The following CPLANE1 variants were observed in gnomAD, a reference collection of about 807,000 sequenced individuals.
CPLANE1 encodes the protein ciliogenesis and planar polarity effector complex subunit 1.
CPLANE1 carries 263 observed loss-of-function variants against 362.5 expected under a neutral mutation model. The observed-to-expected ratio is 0.73, with a 90% CI of 0.66 to 0.80. The LOEUF (loss-of-function observed/expected upper bound fraction) is 0.80, where lower values mean the gene tolerates loss of function less well. CPLANE1 is among the 30% of genes least tolerant of loss of function. CPLANE1 has a pLI of 0.00. For missense variants in CPLANE1, 3,461 were observed against 3,793.4 expected, an observed-to-expected ratio of 0.91 and a Z score of 2.30; for synonymous variants, 1,212 against 1,302.6, an observed-to-expected ratio of 0.93 and a Z score of 1.50.
rs150094586 is a variant in CPLANE1 at position 37,169,087 on chromosome 5, T to C, written c.6937A>G (p.Asn2313Asp). ...WAETVITEIP[N>D]HVNLDQYVGQ... The stretch of plus-strand genomic sequence containing the variant: ...ACATATTGATCCAAGTTCACATGAT[T>C]AGGAATTTCTGTAATTACAGTTTCT... Residue 2313 changes from asparagine to aspartate, a missense_variant, in exon 34 of 53, where the codon AAT becomes GAT. By Grantham distance (23) the Asn-to-Asp change is conservative. Coordinates refer to ENST00000651892, the MANE Select transcript of CPLANE1 (RefSeq NM_001384732.1). The C allele has an allele frequency of 4.3e-6, 7 of 1,614,084 alleles. No homozygotes were observed. In the African/African-American group the frequency reaches 9.3e-5, roughly 22 times the overall value.
chr5:37,226,570 T>C lies in CPLANE1; in HGVS notation c.2025A>G (p.Gln675=). The change falls in exon 12 of 53, where the codon CAA becomes CAG. Residue 675 remains glutamine, a synonymous_variant. Coordinates refer to ENST00000651892, the MANE Select transcript of CPLANE1 (RefSeq NM_001384732.1). The stretch of plus-strand genomic sequence containing the variant: ...TCTCTGAGAATAACTGACCCTTTTG[T>C]TGCTGAGTCAGCAAAAGTTTTACAG... The part of the protein sequence containing the change: ...SNTVKLLLTQ[Q]QKGQLFSEKL... 1 of 1,550,008 alleles carries C rather than the reference T, an allele frequency of 6.5e-7. No homozygotes were observed. Among genetic ancestry groups the C allele is most frequent in the Non-Finnish European group, 8.7e-7 (1 of 1,146,566 alleles).
At chr5:37,222,792 G>C (rs150450601) in intron 14 of CPLANE1, among the ~76,000 whole-genome samples, 1 of 152,110 alleles carries the variant, frequency 6.6e-6, no homozygotes, top group Non-Finnish European at 1.5e-5. Context: ...TTAAATAACT[G>C]TCAAATGTAA....
chr5:37,227,423 A>C, intron 10 of CPLANE1, 31 bp from the exon 11 acceptor site: 1 of 1,513,388 alleles, frequency 6.6e-7, no homozygotes, highest in Non-Finnish European at 8.8e-7. Flanking sequence ...GATTTCCAAG[A>C]GCAAAATGTT....
intron 16 of CPLANE1, chr5:37,212,489 G>T: frequency 1.2e-4 from 61 of 515,680 alleles, no homozygotes; most frequent in East Asian, 1.5e-4. Flanking sequence ...ATAAAAATGT[G>T]TAATCCAAAA....
chr5:37,144,190 A>ACC (rs1234274713), intron 43 of CPLANE1, among the ~76,000 whole-genome samples: 42 of 150,814 alleles, frequency 2.8e-4, no homozygotes, highest in African/African-American at 9.9e-4. Flanking sequence ...TGGGCGGATC[A>ACC]TGAGATCAGG....
intron 43 of CPLANE1, among the ~76,000 whole-genome samples, chr5:37,147,670 A>C (rs965301310): frequency 1.3e-5 from 2 of 152,206 alleles, no homozygotes; most frequent in African/African-American, 4.8e-5. Flanking sequence ...AACTGACAAG[A>C]CTGAATGAGA....
intron 12 of CPLANE1, among the ~76,000 whole-genome samples, chr5:37,225,501 G>A (rs574567660): frequency 1.3e-5 from 2 of 152,228 alleles, no homozygotes; most frequent in South Asian, 2.1e-4. Flanking sequence ...CAAAGTGCTC[G>A]ATCACAGGCG....
intron 46 of CPLANE1, among the ~76,000 whole-genome samples, chr5:37,136,925 C>T (rs1767900358): frequency 6.6e-6 from 1 of 152,212 alleles, no homozygotes; most frequent in Non-Finnish European, 1.5e-5. Context: ...CCTCCTAGGC[C>T]TCTGGGCCTG....
At chr5:37,085,810 A>G in the CPLANE1 span, 9 of 1,427,398 alleles carry the variant, frequency 6.3e-6, no homozygotes, top group Non-Finnish European at 8.9e-6. Context: ...CTATTGCTGA[A>G]GAGAGAGACA....
At chr5:37,077,124 C>T in the CPLANE1 span, among the ~76,000 whole-genome samples, 2 of 151,970 alleles carry the variant, frequency 1.3e-5, no homozygotes, top group African/African-American at 4.8e-5. Context: ...TGCTCTAAGG[C>T]GAATCAGATG....
At chr5:37,140,086 T>A in intron 44 of CPLANE1, 1 of 912,738 alleles carries the variant, frequency 1.1e-6, no homozygotes, top group Non-Finnish European at 1.3e-6. Flanking sequence ...AATTTTTAAG[T>A]CTTGTCCAGT....
intron 32 of CPLANE1, among the ~76,000 whole-genome samples, chr5:37,172,643 G>A (rs1780109235): frequency 1.3e-5 from 2 of 152,196 alleles, no homozygotes; most frequent in Non-Finnish European, 2.9e-5. Flanking sequence ...TCATGGGACA[G>A]GGGGACATGC....
Position 37,227,089 on chromosome 5 carries a change from A to G in CPLANE1, c.1522-16T>C, listed in dbSNP as rs2150444531. On this transcript the variant is annotated splice_polypyrimidine_tract_variant and intron_variant, in intron 11 of 52. Coordinates refer to ENST00000651892, the MANE Select transcript of CPLANE1 (RefSeq NM_001384732.1). Reference sequence around the variant, plus strand: ...CTTCAAAATCCTAAAACATGAGGGGAAAAAAATGATACTTAATACCATTTA... The same window carrying G: ...CTTCAAAATCCTAAAACATGAGGGGGAAAAAATGATACTTAATACCATTTA... The G allele has an allele frequency of 2.6e-6, 4 of 1,526,172 alleles. No individual in the cohort carries two copies. The highest frequency in any genetic ancestry group is 3.5e-6 in the Non-Finnish European group (4 of 1,136,170). 94.5% of individuals were successfully genotyped at this position (1,526,172 alleles called of 1,614,324 possible).
chr5:37,170,225 C>T lies in CPLANE1; in HGVS notation c.6278G>A (p.Gly2093Glu). The T allele has an allele frequency of 1.2e-6, 2 of 1,614,054 alleles. No individual in the cohort carries two copies. The highest frequency in any genetic ancestry group is 8.5e-7 in the Non-Finnish European group (1 of 1,180,018). The change falls in exon 33 of 53, where the codon GGG becomes GAG. Residue 2093 changes from glycine (G) to glutamate (E), a missense_variant. Gly to Glu is a moderately conservative substitution (Grantham distance 98, BLOSUM62 -2). Around this residue, in one of 2 missense-constraint regions of CPLANE1, gnomAD observed 3,380 missense variants for 3,666.1 expected, o/e 0.92. Coordinates refer to ENST00000651892, the MANE Select transcript of CPLANE1 (RefSeq NM_001384732.1). ...LVQQSQSVHL[G>E]ESQESNLRGC... ...TCTTAGGTTTGATTCTTGGCTTTCC[C>T]CTAAATGCACAGACTGAGACTGCTG...
At chr5:37,083,532 A>G in the CPLANE1 span, among the ~76,000 whole-genome samples, 1 of 152,252 alleles carries the variant, frequency 6.6e-6, no homozygotes, top group South Asian at 2.1e-4. Context: ...CAAAAAAATG[A>G]TACAAGAAGT....
chr5:37,128,191 G>C (rs992115032), intron 46 of CPLANE1, among the ~76,000 whole-genome samples: 1 of 152,198 alleles, frequency 6.6e-6, no homozygotes, highest in Non-Finnish European at 1.5e-5. Context: ...ATTTTTGGTA[G>C]AGATGGGGTT....
At chr5:37,217,379 G>A (rs1227282098) in intron 15 of CPLANE1, among the ~76,000 whole-genome samples, 1 of 152,112 alleles carries the variant, frequency 6.6e-6, no homozygotes, top group African/African-American at 2.4e-5. Flanking sequence ...GCCAAGGCAG[G>A]TGGATCACCT....
intron 38 of CPLANE1, 69 bp from the exon 39 acceptor site, chr5:37,158,414 T>G (rs1446908694): frequency 1.4e-6 from 2 of 1,453,826 alleles, no homozygotes; most frequent in African/African-American, 2.9e-5. Context: ...AATCATCAGC[T>G]TTGTATGAAC....
At chr5:37,143,325 T>G (rs1053534636) in intron 43 of CPLANE1, among the ~76,000 whole-genome samples, 1 of 152,114 alleles carries the variant, frequency 6.6e-6, no homozygotes, top group Non-Finnish European at 1.5e-5. Context: ...GATTCAACAA[T>G]TGATAATGTG....
Sources: allele counts gnomAD v4.1 joint callset (sites outside exome capture counted in the v4.1 genomes callset), GRCh38; gene constraint gnomAD v4.1.1; regional missense constraint gnomAD v4.1.1; transcripts MANE v1.5; gene names NCBI Gene and HGNC (gene_info 2026-07-23, HGNC 2026-07-21).